Variants in NOP58 observed in about 807,000 individuals in gnomAD.
NOP58 encodes the protein NOP58 ribonucleoprotein.
Under a neutral mutation model 71.2 loss-of-function variants are expected in NOP58, and 44 were observed. The ratio of observed to expected loss-of-function variants is 0.62; its 90% CI spans 0.49 to 0.79. The LOEUF (loss-of-function observed/expected upper bound fraction) is 0.79. Among genes scored for constraint, NOP58 ranks in the 30% least tolerant of loss-of-function variants. The probability of loss-of-function intolerance (pLI) is 0.00; values close to 1 mark genes in which losing one functional copy is unlikely to be tolerated. For missense variants in NOP58, 538 were observed against 620.2 expected, an observed-to-expected ratio of 0.87 and a Z score of 1.41; for synonymous variants, 228 against 200.3, an observed-to-expected ratio of 1.14 and a Z score of -1.17.
chr2:202,290,999 T>C lies in NOP58; in HGVS notation c.635-126T>C, dbSNP rs3731699. ...AACTGTTATACTAGGTCAAACTTCT[T>C]CATTTTTTTTGTTTTGTTTAGGCAT... On this transcript the variant is annotated intron_variant, in intron 7 of 14. Transcript: ENST00000264279. The C allele has an allele frequency of 1.4e-4, 108 of 798,022 alleles. No individual in the cohort carries two copies. In the East Asian group the frequency reaches 2.7e-3, roughly 20 times the overall value. The allele number at this position is 798,022 out of a possible 1,614,324, so 49.4% of individuals were successfully genotyped here.
At position 202,275,196 on chromosome 2, in the gene NOP58, A is replaced by G. The variant is rs760163254; in HGVS notation, c.122+7A>G. The G allele has an allele frequency of 6.9e-7, 1 of 1,450,058 alleles. No homozygotes were observed. Among genetic ancestry groups the G allele is most frequent in the Non-Finnish European group, 9.6e-7 (1 of 1,046,978 alleles). 89.8% of individuals were successfully genotyped at this position (1,450,058 alleles called of 1,614,324 possible). On this transcript the variant is annotated splice_region_variant and intron_variant, in intron 2 of 14. Coordinates refer to ENST00000264279, the MANE Select transcript of NOP58 (RefSeq NM_015934.5). ...CAGAGAAAGCAAACAAAATGTAAGT[A>G]CTCTTGAAATCAATAATTTAGCAGT...
chr2:202,284,590 A>G, intron 5 of NOP58, 109 bp downstream of exon 5: 1 of 1,131,752 alleles, frequency 8.8e-7, no homozygotes, highest in Non-Finnish European at 1.3e-6. Context: ...TCAGAACCTT[A>G]TGAAGAAGAT....
intron 2 of NOP58, among the ~76,000 whole-genome samples, chr2:202,276,137 G>C (rs1006537290): frequency 6.6e-6 from 1 of 151,918 alleles, no homozygotes; most frequent in Non-Finnish European, 1.5e-5. Context: ...TCAGGAGCTC[G>C]AGACCAGCCT....
chr2:202,291,800 C>G (rs1370966407), intron 8 of NOP58, among the ~76,000 whole-genome samples: 2 of 93,480 alleles, frequency 2.1e-5, no homozygotes, highest in East Asian at 6.0e-4. Context: ...GAGCAAAACT[C>G]CATCTCAAAA....
intron 1 of NOP58, among the ~76,000 whole-genome samples, chr2:202,273,063 T>G (rs2105837918): frequency 6.6e-6 from 1 of 152,256 alleles, no homozygotes; most frequent in African/African-American, 2.4e-5. Flanking sequence ...AGGTGGAGCT[T>G]GCAGTGAGCC....
rs1574372584 is a variant in NOP58 at position 202,265,839 on chromosome 2, G to T, written c.-103G>T. 1.5e-6 allele frequency: 2 copies of T among 1,324,562 alleles called. No individual in the cohort carries two copies. Among genetic ancestry groups the T allele is most frequent in the Non-Finnish European group, 2.2e-6 (2 of 927,930 alleles). The allele number at this position is 1,324,562 out of a possible 1,614,324, so 82.1% of individuals were successfully genotyped here. A position where few individuals can be genotyped will look rare whatever the true frequency, so the allele number is the denominator to read the frequency against. ...GGGACGGCGAGCGCATTTGTGCTTT[G>T]CCCGCCGCGGCCTAGGAGGCCTTTT... On this transcript the variant is annotated 5_prime_UTR_variant, in exon 1 of 15. Transcript: ENST00000264279.
intron 4 of NOP58, among the ~76,000 whole-genome samples, chr2:202,282,976 G>A (rs1232978634): frequency 6.6e-6 from 1 of 152,162 alleles, no homozygotes; most frequent in African/African-American, 2.4e-5. Context: ...CATTTTGGGA[G>A]GCCAAGGTAG....
intron 4 of NOP58, among the ~76,000 whole-genome samples, chr2:202,283,797 A>G (rs1046081698): frequency 1.3e-5 from 2 of 152,134 alleles, no homozygotes; most frequent in Non-Finnish European, 2.9e-5. Context: ...CCTTAAACCA[A>G]CTACTTGGTC....
rs753635522 is a variant in NOP58 at position 202,287,728 on chromosome 2, A to G, written c.499+4A>G. The stretch of plus-strand genomic sequence containing the variant: ...ACAATGATTGTTCAGGCAATTTGTA[A>G]GTATAGTACATGCAAAGTCCGATTT... On this transcript the variant is annotated splice_donor_region_variant and intron_variant, in intron 6 of 14. Transcript: ENST00000264279. 1.9e-6 allele frequency: 3 copies of G among 1,601,114 alleles called. No individual in the cohort carries two copies. Among genetic ancestry groups the G allele is most frequent in the Admixed American group, 3.3e-5 (2 of 59,980 alleles).
At chr2:202,294,421 C>G (rs1688956142) in intron 9 of NOP58, among the ~76,000 whole-genome samples, 1 of 151,350 alleles carries the variant, frequency 6.6e-6, no homozygotes, top group South Asian at 2.1e-4. Context: ...TTAATAGAGT[C>G]TGTTTTCTGA....
At chr2:202,297,739 A>G (rs747323402) in intron 11 of NOP58, 106 bp from the exon 12 acceptor site, 47 of 814,514 alleles carry the variant, frequency 5.8e-5, no homozygotes, top group Admixed American at 1.9e-4. Flanking sequence ...AACAAAAAAT[A>G]GCAGAAATTG....
intron 6 of NOP58, 86 bp from the exon 7 acceptor site, chr2:202,290,237 G>C (rs979508808): frequency 3.5e-6 from 4 of 1,151,568 alleles, no homozygotes; most frequent in Non-Finnish European, 1.2e-6. Flanking sequence ...ACCGTGCCCA[G>C]CCTGAAGTGT....
chr2:202,284,282 T>A lies in NOP58; in HGVS notation c.298-63T>A, dbSNP rs1022344190. On this transcript the variant is annotated intron_variant, in intron 4 of 14. Coordinates refer to ENST00000264279, the MANE Select transcript of NOP58 (RefSeq NM_015934.5). ...AGTGATACTGTGTCTCAAAAAATAA[T>A]AATAACAACTTCAGGAAAGTCTTTT... 2.0e-5 allele frequency: 27 copies of A among 1,367,104 alleles called. No individual in the cohort carries two copies. The Admixed American group carries it at 6.9e-4, about 35-fold the overall frequency. 84.7% of individuals were successfully genotyped at this position (1,367,104 alleles called of 1,614,324 possible).
Position 202,303,071 on chromosome 2 carries a change from T to C in NOP58, c.1539+14T>C. 1 of 1,605,026 alleles carries C rather than the reference T, an allele frequency of 6.2e-7. No individual in the cohort carries two copies. The highest frequency in any genetic ancestry group is 8.5e-7 in the Non-Finnish European group (1 of 1,178,010). ...ACAGCAATTGCTGTATGTTTGTTTTTAATTATCGGTTTTCACTTGGAGGGG... is the reference window on the plus strand; with the variant it reads ...ACAGCAATTGCTGTATGTTTGTTTTCAATTATCGGTTTTCACTTGGAGGGG... On this transcript the variant is annotated intron_variant, in intron 14 of 14. Coordinates refer to ENST00000264279, the MANE Select transcript of NOP58 (RefSeq NM_015934.5).
At chr2:202,285,798 G>A (rs1688776037) in intron 5 of NOP58, among the ~76,000 whole-genome samples, 1 of 152,158 alleles carries the variant, frequency 6.6e-6, no homozygotes, top group African/African-American at 2.4e-5. Flanking sequence ...ATAATGGTAG[G>A]TAGTTGCTCA....
At chr2:202,295,382 T>C (rs1184907812) in intron 9 of NOP58, among the ~76,000 whole-genome samples, 1 of 152,208 alleles carries the variant, frequency 6.6e-6, no homozygotes, top group Non-Finnish European at 1.5e-5. Context: ...TCCTGTAGTA[T>C]ACTAATGGAA....
At chr2:202,290,898 TTTTACTCTGATTA>T (rs2105850406) in intron 7 of NOP58, 1 of 430,288 alleles carries the variant, frequency 2.3e-6, no homozygotes, top group East Asian at 3.7e-5. Flanking sequence ...TTTGTCCTCT[TTTTACTCTGATTA>T]TTTTTTGGAA....
chr2:202,275,499 T>C, intron 2 of NOP58: 1 of 218,792 alleles, frequency 4.6e-6, no homozygotes, highest in East Asian at 1.1e-4. Context: ...TGTCTTCGTG[T>C]CTTCCACACA....
At chr2:202,302,714 C>T (rs1331241066) in intron 13 of NOP58, among the ~76,000 whole-genome samples, 1 of 152,104 alleles carries the variant, frequency 6.6e-6, no homozygotes, top group African/African-American at 2.4e-5. Context: ...ACTTCATGAT[C>T]GTGAGAAGAT....
Sources: gnomAD v4.1 joint callset for allele counts (sites outside exome capture counted in the v4.1 genomes callset) on GRCh38, gnomAD v4.1.1 for gene constraint, MANE v1.5 for transcripts, NCBI Gene and HGNC (gene_info 2026-07-23, HGNC 2026-07-21) for gene names.